The following TENM3 variants were observed in gnomAD, a reference collection of about 807,000 sequenced individuals.
TENM3 encodes teneurin transmembrane protein 3.
A neutral mutation model predicts 255.1 loss-of-function variants in TENM3; 63 were observed. The observed-to-expected ratio is 0.25, with a 90% CI of 0.20 to 0.30. The LOEUF (loss-of-function observed/expected upper bound fraction) is 0.30. TENM3 is among the 10% of genes least tolerant of loss of function. TENM3 has a pLI of 1.00. For missense variants in TENM3, 2,929 were observed against 3,461.1 expected, an observed-to-expected ratio of 0.85 and a Z score of 3.86; for synonymous variants, 1,306 against 1,322.3, an observed-to-expected ratio of 0.99 and a Z score of 0.27.
intron 23 of TENM3, 192 bp downstream of exon 23, chr4:182,773,839 A>G (rs1183099714): frequency 1.6e-5 from 7 of 449,518 alleles, no homozygotes; most frequent in South Asian, 1.1e-4. Context: ...CACATATAAG[A>G]TAATCTGTCA....
At chr4:182,783,763 T>A (rs951294825) in intron 24 of TENM3, among the ~76,000 whole-genome samples, 1 of 152,314 alleles carries the variant, frequency 6.6e-6, no homozygotes, top group East Asian at 1.9e-4. Context: ...TTCTTTGTAT[T>A]CGTTTTTCTC....
intron 3 of TENM3, among the ~76,000 whole-genome samples, chr4:182,460,733 T>C (rs1368476106): frequency 1.3e-5 from 2 of 152,338 alleles, no homozygotes; most frequent in African/African-American, 4.8e-5. Flanking sequence ...ATTTCGGTGA[T>C]GTTATTAACT....
intron 3 of TENM3, among the ~76,000 whole-genome samples, chr4:182,465,189 C>T (rs561412515): frequency 8.5e-5 from 13 of 152,234 alleles, no homozygotes; most frequent in Non-Finnish European, 1.5e-4. Context: ...TAAATATTTG[C>T]ACTGGGTTTA....
the TENM3 span, among the ~76,000 whole-genome samples, chr4:181,958,747 A>G: frequency 1.3e-5 from 2 of 152,132 alleles, no homozygotes; most frequent in Non-Finnish European, 2.9e-5. Context: ...ATCCCACTAG[A>G]ATACTTGATT....
chr4:182,575,774 T>A (rs1048134329), intron 3 of TENM3, among the ~76,000 whole-genome samples: 1 of 152,172 alleles, frequency 6.6e-6, no homozygotes, highest in African/African-American at 2.4e-5. Context: ...CTTAGAAAAG[T>A]AAGAAATTCT....
At chr4:181,467,431 G>A in the TENM3 span, among the ~76,000 whole-genome samples, 6 of 151,478 alleles carry the variant, frequency 4.0e-5, no homozygotes, top group South Asian at 2.1e-4. Context: ...CACCGCACCC[G>A]GCCTACTAGT....
chr4:181,463,281 T>A, the TENM3 span, among the ~76,000 whole-genome samples: 1 of 152,242 alleles, frequency 6.6e-6, no homozygotes, highest in Non-Finnish European at 1.5e-5. Context: ...TTATGCTGGT[T>A]GACCAGCATT....
chr4:181,668,384 A>C, the TENM3 span, among the ~76,000 whole-genome samples: 870 of 152,196 alleles, frequency 5.7e-3, 4 homozygotes, highest in Middle Eastern at 0.01. Context: ...AATGTCACAA[A>C]TCCAGTGGTT....
At chr4:182,619,314 C>G (rs1749869761) in intron 4 of TENM3, among the ~76,000 whole-genome samples, 1 of 151,894 alleles carries the variant, frequency 6.6e-6, no homozygotes, top group South Asian at 2.1e-4. Context: ...ACCTGTAGTC[C>G]CAGCTACTTG....
At chr4:182,388,477 G>A (rs1768167129) in intron 3 of TENM3, among the ~76,000 whole-genome samples, 2 of 152,094 alleles carry the variant, frequency 1.3e-5, no homozygotes, top group African/African-American at 4.8e-5. Flanking sequence ...TGTGAATTGT[G>A]CTTGAGTACT....
the TENM3 span, among the ~76,000 whole-genome samples, chr4:181,448,946 A>AT: frequency 3.9e-5 from 6 of 152,206 alleles, no homozygotes; most frequent in Non-Finnish European, 8.8e-5. Flanking sequence ...TTGCTCCACC[A>AT]TATACCCTCT....
intron 13 of TENM3, among the ~76,000 whole-genome samples, 162 bp from the exon 14 acceptor site, chr4:182,728,803 T>G (rs1387444697): frequency 6.6e-6 from 1 of 152,116 alleles, no homozygotes; most frequent in Non-Finnish European, 1.5e-5. Context: ...TGTATTTCTA[T>G]TTCTTCTGGT....
chr4:181,628,545 T>A, the TENM3 span, among the ~76,000 whole-genome samples: 1 of 152,364 alleles, frequency 6.6e-6, no homozygotes, highest in African/African-American at 2.4e-5. Flanking sequence ...TTCAGCTTTC[T>A]ACATATGGCT....
chr4:182,753,404 T>C, intron 20 of TENM3, 46 bp from the exon 21 acceptor site: 1 of 1,549,800 alleles, frequency 6.5e-7, no homozygotes, highest in Non-Finnish European at 8.9e-7. Flanking sequence ...TAATCAAAAG[T>C]AACCATTTTT....
chr4:181,582,787 C>T, the TENM3 span, among the ~76,000 whole-genome samples: 71 of 152,152 alleles, frequency 4.7e-4, no homozygotes, highest in African/African-American at 1.7e-3. Flanking sequence ...CAAGGACTGC[C>T]CCCTACTGGT....
At chr4:181,512,362 G>T in the TENM3 span, among the ~76,000 whole-genome samples, 1 of 152,164 alleles carries the variant, frequency 6.6e-6, no homozygotes. Context: ...GCAGCAGCTT[G>T]CAGGAGCCAG....
At chr4:181,620,328 G>A in the TENM3 span, among the ~76,000 whole-genome samples, 1 of 151,920 alleles carries the variant, frequency 6.6e-6, no homozygotes, top group Non-Finnish European at 1.5e-5. Flanking sequence ...TGTACACGGG[G>A]GATTGGTTCC....
intron 3 of TENM3, among the ~76,000 whole-genome samples, chr4:182,530,308 G>T (rs909451383): frequency 6.6e-6 from 1 of 152,078 alleles, no homozygotes; most frequent in Non-Finnish European, 1.5e-5. Context: ...ATTGTGTTTC[G>T]AAACACTGCA....
chr4:182,490,191 A>G (rs144073843), intron 3 of TENM3, among the ~76,000 whole-genome samples: 2 of 152,316 alleles, frequency 1.3e-5, no homozygotes, highest in African/African-American at 4.8e-5. Flanking sequence ...GTATCTTTGT[A>G]ATGATGATGT....
Sources: gnomAD v4.1 joint callset for allele counts (sites outside exome capture counted in the v4.1 genomes callset) on GRCh38, gnomAD v4.1.1 for gene constraint, MANE v1.5 for transcripts, NCBI Gene and HGNC (gene_info 2026-07-23, HGNC 2026-07-21) for gene names.